The following KAZN variants were observed in gnomAD, a reference collection of about 807,000 sequenced individuals.
KAZN encodes the protein kazrin.
KAZN carries 40 observed loss-of-function variants against 87.4 expected under a neutral mutation model. That is an observed-to-expected ratio of 0.46 (90% CI 0.36 to 0.60). The LOEUF (loss-of-function observed/expected upper bound fraction) is 0.60. KAZN is among the 20% of genes least tolerant of loss of function. The probability of loss-of-function intolerance (pLI) is 0.00; values close to 1 mark genes in which losing one functional copy is unlikely to be tolerated. For synonymous variants in KAZN, 466 were observed against 458.3 expected (o/e 1.02, Z -0.22); for missense variants, 898 against 1,073.9 (o/e 0.84, Z 2.29).
chr1:14,535,264 C>A (rs1672421469), intron 2 of KAZN, among the ~76,000 whole-genome samples: 1 of 152,234 alleles, frequency 6.6e-6, no homozygotes, highest in Admixed American at 6.5e-5. Flanking sequence ...CCCTATGCCC[C>A]TTCTCCTCCC....
chr1:14,165,346 G>T (rs771095186), intron 1 of KAZN, among the ~76,000 whole-genome samples: 2 of 151,896 alleles, frequency 1.3e-5, no homozygotes, highest in African/African-American at 4.8e-5. Context: ...CCCTGCCTTA[G>T]CCCCGTGTCT....
chr1:13,969,127 C>CA (rs1412753857), intron 1 of KAZN, among the ~76,000 whole-genome samples: 3 of 152,184 alleles, frequency 2.0e-5, no homozygotes, highest in South Asian at 2.1e-4. Flanking sequence ...TGGCAGTAAA[C>CA]AAAAAACAAG....
chr1:13,946,798 T>C (rs1461653365), intron 1 of KAZN, among the ~76,000 whole-genome samples: 1 of 152,242 alleles, frequency 6.6e-6, no homozygotes, highest in African/African-American at 2.4e-5. Flanking sequence ...ACCTGAGCCC[T>C]GTAAATGATG....
chr1:14,793,472 T>G (rs1190332890), intron 1 of KAZN, among the ~76,000 whole-genome samples: 1 of 152,170 alleles, frequency 6.6e-6, no homozygotes, highest in East Asian at 1.9e-4. Context: ...TACTAGCTAT[T>G]AGCTATATGG....
intron 2 of KAZN, among the ~76,000 whole-genome samples, chr1:14,275,475 T>TGTGTGA (rs1652278587): frequency 6.6e-6 from 1 of 151,648 alleles, no homozygotes. Flanking sequence ...TGTGTGTGTG[T>TGTGTGA]GTGTGTGTGT....
chr1:14,432,417 C>T (rs138345082), intron 2 of KAZN, among the ~76,000 whole-genome samples: 1,961 of 152,330 alleles, frequency 0.013, 106 homozygotes, highest in Admixed American at 0.097. Flanking sequence ...CCCAGTCTCA[C>T]GAGCTTGTCT....
intron 2 of KAZN, among the ~76,000 whole-genome samples, chr1:14,377,935 C>T (rs1271599686): frequency 2.6e-5 from 4 of 152,218 alleles, no homozygotes; most frequent in African/African-American, 7.2e-5. Flanking sequence ...CAGACATTAT[C>T]AAATGTCCCC....
chr1:14,270,726 A>AACTC (rs1397474062), intron 2 of KAZN, among the ~76,000 whole-genome samples: 1 of 152,206 alleles, frequency 6.6e-6, no homozygotes, highest in Admixed American at 6.5e-5. Context: ...TGAGCTTATT[A>AACTC]ACTCACTCAC....
Position 13,925,349 on chromosome 1 carries a change from G to A in KAZN, c.91+31593G>A, listed in dbSNP as rs75177780. ...TCACCACTTGGCAGGATAATCTAATGTGGTTATGTTGAAAGGATGTTCTTA... is the reference window on the plus strand; with the variant it reads ...TCACCACTTGGCAGGATAATCTAATATGGTTATGTTGAAAGGATGTTCTTA... On this transcript the variant is annotated intron_variant, in intron 1 of 16. Coordinates refer to the KAZN transcript ENST00000636203. Among the ~76,000 whole-genome samples the A allele has an allele frequency of 9.9e-3, 1,515 of 152,266 alleles. 117 individuals are homozygous for A. In the East Asian group the frequency reaches 0.2, roughly 20 times the overall value.
At chr1:14,526,026 G>A (rs982725246) in intron 2 of KAZN, among the ~76,000 whole-genome samples, 20 of 152,110 alleles carry the variant, frequency 1.3e-4, no homozygotes, top group African/African-American at 4.3e-4. Flanking sequence ...ATGGATCTCC[G>A]CTACCAGCAT....
intron 1 of KAZN, among the ~76,000 whole-genome samples, chr1:14,793,989 G>A (rs555912580): frequency 5.7e-4 from 87 of 152,288 alleles, no homozygotes; most frequent in Middle Eastern, 3.4e-3. Context: ...TTATTTCAGG[G>A]TAATCAAAAG....
intron 1 of KAZN, among the ~76,000 whole-genome samples, chr1:14,122,801 C>G (rs1570790779): frequency 2.6e-5 from 4 of 152,198 alleles, no homozygotes; most frequent in African/African-American, 9.6e-5. Flanking sequence ...AACATCATGC[C>G]TTAAGATCTA....
At chr1:13,977,128 T>G (rs1170139269) in intron 1 of KAZN, among the ~76,000 whole-genome samples, 2 of 152,214 alleles carry the variant, frequency 1.3e-5, no homozygotes, top group Non-Finnish European at 2.9e-5. Context: ...TCCTTACCTG[T>G]GCAGGAAGAG....
chr1:14,349,587 A>G (rs114085891), intron 2 of KAZN, among the ~76,000 whole-genome samples: 2,152 of 152,248 alleles, frequency 0.014, 55 homozygotes, highest in African/African-American at 0.048. Context: ...ATTGCCATTT[A>G]TCATCTTGCA....
chr1:13,998,551 CA>C (rs561916438), intron 1 of KAZN, among the ~76,000 whole-genome samples: 20 of 149,882 alleles, frequency 1.3e-4, no homozygotes, highest in Middle Eastern at 3.4e-3. Flanking sequence ...AAATGGAAAG[CA>C]AAAAACAGCA....
chr1:14,462,956 T>G (rs2148352513), intron 2 of KAZN, among the ~76,000 whole-genome samples: 1 of 152,234 alleles, frequency 6.6e-6, no homozygotes, highest in South Asian at 2.1e-4. Flanking sequence ...GAGCTGGTGG[T>G]GTTAGACAGC....
intron 1 of KAZN, among the ~76,000 whole-genome samples, chr1:14,913,743 C>T (rs1572812343): frequency 6.6e-6 from 1 of 152,362 alleles, no homozygotes; most frequent in Non-Finnish European, 1.5e-5. Flanking sequence ...GTGTGCTCTG[C>T]CTTGAGTTGG....
intron 1 of KAZN, among the ~76,000 whole-genome samples, chr1:14,738,180 C>T (rs1643970198): frequency 6.6e-6 from 1 of 152,146 alleles, no homozygotes; most frequent in Admixed American, 6.5e-5. Flanking sequence ...ATTCTTGCTT[C>T]CACAGGCTCT....
At chr1:14,034,358 A>T (rs1299945970) in intron 1 of KAZN, among the ~76,000 whole-genome samples, 1 of 152,150 alleles carries the variant, frequency 6.6e-6, no homozygotes, top group Non-Finnish European at 1.5e-5. Context: ...GAGGCTGTTT[A>T]CAAGAGTCCT....
Sources: allele counts gnomAD v4.1 joint callset (sites outside exome capture counted in the v4.1 genomes callset), GRCh38; gene constraint gnomAD v4.1.1; transcripts MANE v1.5; gene names NCBI Gene and HGNC (gene_info 2026-07-23, HGNC 2026-07-21).